FAM185A: variants seen among roughly 807,000 people sequenced by gnomAD.
FAM185A encodes family with sequence similarity 185 member A.
Under a neutral mutation model 45.7 loss-of-function variants are expected in FAM185A, and 21 were observed. That is an observed-to-expected ratio of 0.46 (90% confidence interval 0.33 to 0.66). FAM185A has a LOEUF of 0.66. Among genes scored for constraint, FAM185A ranks in the 30% least tolerant of loss-of-function variants. FAM185A has a pLI of 0.03. For missense variants in FAM185A, 305 were observed against 485.4 expected (o/e 0.63, Z 3.49); for synonymous variants, 117 against 194.0 (o/e 0.60, Z 3.30).
the FAM185A span, among the ~76,000 whole-genome samples, chr7:102,841,099 A>G: frequency 6.6e-6 from 1 of 152,238 alleles, no homozygotes; most frequent in Non-Finnish European, 1.5e-5. Flanking sequence ...ATGTCAGGCA[A>G]GGCACAATGA....
chr7:102,771,191 G>T (rs1196929066), intron 4 of FAM185A, among the ~76,000 whole-genome samples: 1 of 151,994 alleles, frequency 6.6e-6, no homozygotes, highest in African/African-American at 2.4e-5. Flanking sequence ...GGCAACAGTA[G>T]AAACTGGAGT....
the FAM185A span, among the ~76,000 whole-genome samples, chr7:102,827,525 T>C: frequency 2.0e-5 from 3 of 152,054 alleles, no homozygotes; most frequent in East Asian, 1.9e-4. Flanking sequence ...ATATGACCCA[T>C]TGATCATTTT....
chr7:102,790,902 C>G (rs1796102245), intron 7 of FAM185A, among the ~76,000 whole-genome samples: 1 of 152,006 alleles, frequency 6.6e-6, no homozygotes, highest in Non-Finnish European at 1.5e-5. Flanking sequence ...CTGCCGGAAA[C>G]TAGGAGTGCA....
the FAM185A span, among the ~76,000 whole-genome samples, chr7:102,839,174 AT>A: frequency 6.6e-6 from 1 of 152,214 alleles, no homozygotes; most frequent in Admixed American, 6.5e-5. Flanking sequence ...AGAAGCAAAA[AT>A]CTGGCTTACG....
chr7:102,834,502 T>C, the FAM185A span: 2 of 149,182 alleles, frequency 1.3e-5, no homozygotes, highest in East Asian at 3.9e-4. Context: ...ACAAAATAGA[T>C]TCTCTAGCTA....
In FAM185A at chr7:102,751,675, T is replaced by C; in HGVS notation, c.452-17T>C. On this transcript the variant is annotated splice_polypyrimidine_tract_variant and intron_variant, in intron 1 of 7. Coordinates refer to ENST00000413034, the MANE Select transcript of FAM185A (RefSeq NM_001145268.2). Reference sequence around the variant, plus strand: ...AAACTGCAGTACTAACTTGCTTTTTTCTTTTTTTACTTCTAGGTTTAGATA... The same window carrying C: ...AAACTGCAGTACTAACTTGCTTTTTCCTTTTTTTACTTCTAGGTTTAGATA... 6.5e-7 allele frequency: 1 copy of C among 1,533,622 alleles called. No homozygotes were observed. Among genetic ancestry groups the C allele is most frequent in the Non-Finnish European group, 8.8e-7 (1 of 1,141,920 alleles).
chr7:102,819,198 C>T, the FAM185A span, among the ~76,000 whole-genome samples: 2 of 152,174 alleles, frequency 1.3e-5, no homozygotes, highest in Admixed American at 6.5e-5. Flanking sequence ...TGTTGCCTTT[C>T]CCCACAGAGG....
At chr7:102,790,576 T>C (rs1054543460) in intron 7 of FAM185A, among the ~76,000 whole-genome samples, 23 of 152,376 alleles carry the variant, frequency 1.5e-4, no homozygotes, top group Middle Eastern at 3.4e-3. Context: ...GTAAGCATGT[T>C]TGAATTATAA....
the FAM185A span, among the ~76,000 whole-genome samples, chr7:102,834,098 GAA>G: frequency 1.1e-4 from 10 of 93,914 alleles, no homozygotes; most frequent in Non-Finnish European, 1.9e-4. Context: ...AAGAAAGAAA[GAA>G]AGAAAGAAAG....
At chr7:102,784,438 A>G (rs1795639619) in intron 6 of FAM185A, among the ~76,000 whole-genome samples, 1 of 152,218 alleles carries the variant, frequency 6.6e-6, no homozygotes, top group African/African-American at 2.4e-5. Context: ...TCCTCAATAA[A>G]ATATTGGCAA....
intron 5 of FAM185A, among the ~76,000 whole-genome samples, chr7:102,774,678 A>G (rs1794948258): frequency 6.6e-6 from 1 of 152,156 alleles, no homozygotes; most frequent in South Asian, 2.1e-4. Context: ...TGTCAAACAC[A>G]TTTCCTGAAT....
chr7:102,843,548 G>A, the FAM185A span, among the ~76,000 whole-genome samples: 2,760 of 149,094 alleles, frequency 0.019, 100 homozygotes, highest in African/African-American at 0.064. Context: ...GCCAAGGTGA[G>A]TGGATCACTT....
chr7:102,750,072 T>A (rs1467099878), intron 1 of FAM185A, among the ~76,000 whole-genome samples: 1 of 152,220 alleles, frequency 6.6e-6, no homozygotes, highest in African/African-American at 2.4e-5. Flanking sequence ...GCCCTGTCAA[T>A]AGGATGTTCC....
rs766444513 is a variant in FAM185A, at chr7:102,749,382, C to T, written c.175C>T (p.Pro59Ser). ...GGAGACTGAGGTCCCTCCGCCTGGCCCGGGGCGCCGAACTCTGAAGGAGTG... is the reference window on the plus strand; with the variant it reads ...GGAGACTGAGGTCCCTCCGCCTGGCTCGGGGCGCCGAACTCTGAAGGAGTG... ...GSETEVPPPGPGRRTLKEWTL... is the reference protein window; with the variant it reads ...GSETEVPPPGSGRRTLKEWTL... The change falls in exon 1 of 8, where the codon CCG becomes TCG. Residue 59 changes from proline (P) to serine (S), a missense_variant. This residue lies in a region of FAM185A where 174 missense variants were observed against 247.1 expected (regional missense o/e 0.70). Transcript: ENST00000413034. The T allele has an allele frequency of 2.0e-5, 31 of 1,548,320 alleles. No homozygotes were observed. Among genetic ancestry groups the T allele is most frequent in the South Asian group, 3.6e-5 (3 of 83,946 alleles).
At chr7:102,788,249 A>C (rs1177858605) in intron 7 of FAM185A, among the ~76,000 whole-genome samples, 2 of 152,126 alleles carry the variant, frequency 1.3e-5, no homozygotes, top group Non-Finnish European at 2.9e-5. Flanking sequence ...GATTATAGGA[A>C]TGAGCCACTG....
chr7:102,785,280 AT>A (rs1795712385), intron 6 of FAM185A, among the ~76,000 whole-genome samples: 1 of 151,550 alleles, frequency 6.6e-6, no homozygotes, highest in Non-Finnish European at 1.5e-5. Flanking sequence ...ATTCAATGCC[AT>A]CCCCATCAAG....
intron 2 of FAM185A, among the ~76,000 whole-genome samples, chr7:102,756,134 A>G (rs538776457): frequency 6.8e-6 from 1 of 147,726 alleles, no homozygotes; most frequent in Admixed American, 6.6e-5. Flanking sequence ...TTTTTTCTCT[A>G]AGAGACAGGG....
chr7:102,826,820 AT>A, the FAM185A span, among the ~76,000 whole-genome samples: 1 of 140,736 alleles, frequency 7.1e-6, no homozygotes, highest in Admixed American at 7.5e-5. Flanking sequence ...AATGTATCTT[AT>A]ATATAATAAA....
At chr7:102,802,496 A>G (rs1796854901) in intron 7 of FAM185A, among the ~76,000 whole-genome samples, 1 of 152,236 alleles carries the variant, frequency 6.6e-6, no homozygotes, top group African/African-American at 2.4e-5. Flanking sequence ...GAACTGAAGG[A>G]CAATAGTGAC....
Sources: allele counts gnomAD v4.1 joint callset (sites outside exome capture counted in the v4.1 genomes callset), GRCh38; gene constraint gnomAD v4.1.1; regional missense constraint gnomAD v4.1.1; transcripts MANE v1.5; gene names NCBI Gene and HGNC (gene_info 2026-07-23, HGNC 2026-07-21).